USP48: variants seen among roughly 807,000 people sequenced by gnomAD.
USP48 encodes ubiquitin specific peptidase 48, also known as ubiquitin carboxyl-terminal hydrolase 48.
USP48 carries 43 observed loss-of-function variants against 150.7 expected under a neutral mutation model. The observed-to-expected ratio is 0.29, with a 90% CI of 0.22 to 0.37. USP48 has a LOEUF of 0.37. USP48 is among the 10% of genes least tolerant of loss of function. USP48 has a pLI of 1.00. For missense variants in USP48, 813 were observed against 1,249.6 expected, an observed-to-expected ratio of 0.65 and a Z score of 5.27; for synonymous variants, 396 against 425.9, an observed-to-expected ratio of 0.93 and a Z score of 0.86.
At chr1:21,777,952 C>G (rs1393805584) in intron 1 of USP48, among the ~76,000 whole-genome samples, 1 of 142,408 alleles carries the variant, frequency 7.0e-6, no homozygotes, top group South Asian at 2.3e-4. Context: ...ATAGTGAAAC[C>G]CCGTCTCTAC....
chr1:21,683,990 C>T (rs1401370883), intron 25 of USP48, among the ~76,000 whole-genome samples: 1 of 152,046 alleles, frequency 6.6e-6, no homozygotes, highest in Non-Finnish European at 1.5e-5. Flanking sequence ...ATAATAGTAT[C>T]CCATTGTATG....
At chr1:21,694,584 A>AAAAAAAAAAAAAAC (rs2097617275) in intron 23 of USP48, among the ~76,000 whole-genome samples, 1 of 122,210 alleles carries the variant, frequency 8.2e-6, no homozygotes, top group African/African-American at 2.9e-5. Context: ...AAAAAAAAAA[A>AAAAAAAAAAAAAAC]AAAAAAAAAA....
intron 9 of USP48, among the ~76,000 whole-genome samples, chr1:21,733,998 A>G (rs1424736124): frequency 6.6e-6 from 1 of 152,210 alleles, no homozygotes; most frequent in Non-Finnish European, 1.5e-5. Flanking sequence ...TAAGAATGTC[A>G]TAATGAAAAC....
At chr1:21,688,288 G>C (rs547464150) in intron 24 of USP48, among the ~76,000 whole-genome samples, 1 of 151,836 alleles carries the variant, frequency 6.6e-6, no homozygotes, top group Non-Finnish European at 1.5e-5. Context: ...GCGCAATCTC[G>C]GCTCACTGCA....
intron 24 of USP48, among the ~76,000 whole-genome samples, chr1:21,689,236 C>T (rs1203930568): frequency 7.4e-6 from 1 of 134,816 alleles, no homozygotes; most frequent in Non-Finnish European, 1.6e-5. Context: ...TTTGTGGGGG[C>T]AGCATTTCAA....
rs752851834 is a variant in USP48 at position 21,782,815 on chromosome 1, G to A, written c.134+9C>T. 4 of 1,529,982 alleles carry A rather than the reference G, an allele frequency of 2.6e-6. No homozygotes were observed. In the Admixed American group the frequency reaches 8.3e-5, roughly 32 times the overall value. The allele number at this position is 1,529,982 out of a possible 1,614,324, so 94.8% of individuals were successfully genotyped here. On this transcript the variant is annotated intron_variant, in intron 1 of 26. Transcript: ENST00000308271. ...GAGGAGCCCGCGAGGCGCGGTGCGCGGGCCTCACCTGCACACGCCGCGAAT... is the reference window on the plus strand; with the variant it reads ...GAGGAGCCCGCGAGGCGCGGTGCGCAGGCCTCACCTGCACACGCCGCGAAT...
chr1:21,712,522 G>A (rs1470852003), intron 15 of USP48, among the ~76,000 whole-genome samples: 1 of 152,034 alleles, frequency 6.6e-6, no homozygotes, highest in Non-Finnish European at 1.5e-5. Flanking sequence ...AATGAGTAAA[G>A]TGGATTTCTA....
intron 22 of USP48, among the ~76,000 whole-genome samples, chr1:21,696,217 T>C (rs2097629514): frequency 6.6e-6 from 1 of 152,158 alleles, no homozygotes; most frequent in Non-Finnish European, 1.5e-5. Context: ...AGTGGGCAGA[T>C]CACCTGAGGT....
At chr1:21,707,883 G>T (rs531147223) in intron 15 of USP48, among the ~76,000 whole-genome samples, 2 of 152,290 alleles carry the variant, frequency 1.3e-5, no homozygotes, top group South Asian at 2.1e-4. Flanking sequence ...AGGTCTATAG[G>T]CCAGGCACAG....
At chr1:21,697,966 A>G (rs2097642096) in intron 22 of USP48, among the ~76,000 whole-genome samples, 1 of 152,140 alleles carries the variant, frequency 6.6e-6, no homozygotes, top group African/African-American at 2.4e-5. Flanking sequence ...GTGATACCCA[A>G]TACCGAGTAT....
intron 1 of USP48, among the ~76,000 whole-genome samples, chr1:21,760,725 T>A (rs1489188875): frequency 1.4e-5 from 2 of 147,278 alleles, no homozygotes; most frequent in East Asian, 2.1e-4. Context: ...TCAAAAAAAA[T>A]AAAAATAAAA....
intron 8 of USP48, among the ~76,000 whole-genome samples, chr1:21,744,519 T>C (rs545657468): frequency 1.1e-4 from 16 of 151,370 alleles, no homozygotes; most frequent in Admixed American, 7.9e-4. Flanking sequence ...GTCACGCCTG[T>C]AATTCCAGCA....
intron 9 of USP48, among the ~76,000 whole-genome samples, chr1:21,735,334 T>G (rs1415338427): frequency 6.6e-6 from 1 of 152,054 alleles, no homozygotes; most frequent in Non-Finnish European, 1.5e-5. Flanking sequence ...GCGTGGTAGC[T>G]CATGCCTTGT....
chr1:21,697,580 G>A (rs1368252163), intron 22 of USP48, among the ~76,000 whole-genome samples: 1 of 150,826 alleles, frequency 6.6e-6, no homozygotes, highest in Non-Finnish European at 1.5e-5. Flanking sequence ...GGAGAATGGC[G>A]TGAACCCGGG....
chr1:21,762,370 G>C (rs1280363492), intron 1 of USP48, among the ~76,000 whole-genome samples: 1 of 152,116 alleles, frequency 6.6e-6, no homozygotes, highest in Non-Finnish European at 1.5e-5. Context: ...AGGTTCTTTC[G>C]AAAGAAAATT....
At chr1:21,746,112 T>C (rs2097793866) in intron 8 of USP48, among the ~76,000 whole-genome samples, 1 of 152,190 alleles carries the variant, frequency 6.6e-6, no homozygotes, top group African/African-American at 2.4e-5. Flanking sequence ...GAAATGTCTC[T>C]TAAAGGTTTT....
intron 1 of USP48, among the ~76,000 whole-genome samples, chr1:21,773,880 G>A (rs909408777): frequency 6.6e-6 from 1 of 152,142 alleles, no homozygotes; most frequent in African/African-American, 2.4e-5. Flanking sequence ...GCTCACACCT[G>A]TAATCCCAGC....
Position 21,715,127 on chromosome 1 carries a change from C to T in USP48, c.1963+262G>A, listed in dbSNP as rs1395527039. ...AGATGAAGAAGAAGAAACATACGAG[C>T]ACTATTCTCAAAGTGTTTAACTTGG... On this transcript the variant is annotated intron_variant, in intron 15 of 26. Coordinates refer to ENST00000308271, the MANE Select transcript of USP48 (RefSeq NM_032236.8). The T allele has an allele frequency of 1.1e-5, 4 of 371,616 alleles. No individual in the cohort carries two copies. In the Admixed American group the frequency reaches 1.4e-4, roughly 13 times the overall value. 23.0% of individuals were successfully genotyped at this position (371,616 alleles called of 1,614,324 possible).
chr1:21,683,648 T>A (rs1442241622), intron 25 of USP48, among the ~76,000 whole-genome samples: 2 of 152,178 alleles, frequency 1.3e-5, no homozygotes, highest in Admixed American at 6.5e-5. Context: ...CGGCCTATCA[T>A]TTCTTTGTGT....
Sources: gnomAD v4.1 joint callset for allele counts (sites outside exome capture counted in the v4.1 genomes callset) on GRCh38, gnomAD v4.1.1 for gene constraint, MANE v1.5 for transcripts, NCBI Gene and HGNC (gene_info 2026-07-23, HGNC 2026-07-21) for gene names.